HIVEP3: variants seen among roughly 807,000 people sequenced by gnomAD.
HIVEP3 encodes the protein HIVEP zinc finger 3.
In HIVEP3, 49 loss-of-function variants were observed where a neutral mutation model predicts 152.8. That is an observed-to-expected ratio of 0.32 (90% CI 0.26 to 0.41). HIVEP3 has a LOEUF of 0.41. HIVEP3 is among the 10% of genes least tolerant of loss of function. The pLI is 1.00. For missense variants in HIVEP3, 2,790 were observed against 3,103.3 expected (o/e 0.90, Z 2.40); for synonymous variants, 1,269 against 1,289.0 (o/e 0.98, Z 0.33).
chr1:41,851,387 C>G (rs997926785), intron 1 of HIVEP3, among the ~76,000 whole-genome samples: 1 of 139,924 alleles, frequency 7.1e-6, no homozygotes, highest in Non-Finnish European at 1.5e-5. Context: ...ACTGCAACAT[C>G]TGCCTCCTGG....
chr1:41,807,106 G>A (rs1040174547), intron 1 of HIVEP3, among the ~76,000 whole-genome samples: 9 of 152,144 alleles, frequency 5.9e-5, no homozygotes, highest in Non-Finnish European at 1.2e-4. Context: ...ATCGCTCATT[G>A]ACAGGTTTCA....
At chr1:41,727,088 G>A (rs978012761) in intron 1 of HIVEP3, among the ~76,000 whole-genome samples, 1 of 152,244 alleles carries the variant, frequency 6.6e-6, no homozygotes, top group Non-Finnish European at 1.5e-5. Context: ...GAAGACTGCA[G>A]GCACAGAAGA....
At chr1:41,702,415 T>C (rs1288846411) in intron 1 of HIVEP3, among the ~76,000 whole-genome samples, 1 of 152,240 alleles carries the variant, frequency 6.6e-6, no homozygotes, top group East Asian at 1.9e-4. Context: ...CTTTGGTTCA[T>C]GCCCAGCTCT....
intron 2 of HIVEP3, among the ~76,000 whole-genome samples, chr1:41,683,917 T>A (rs928971403): frequency 6.6e-6 from 1 of 152,180 alleles, no homozygotes; most frequent in Admixed American, 6.5e-5. Context: ...TCATAACCCA[T>A]GGAGGAACTC....
At chr1:41,674,611 T>C (rs1645926358) in intron 2 of HIVEP3, among the ~76,000 whole-genome samples, 1 of 152,194 alleles carries the variant, frequency 6.6e-6, no homozygotes, top group African/African-American at 2.4e-5. Flanking sequence ...TGCCCGTCGA[T>C]GGGTTTCCTA....
chr1:41,998,185 G>A (rs1014921791), intron 1 of HIVEP3, among the ~76,000 whole-genome samples: 1 of 151,946 alleles, frequency 6.6e-6, no homozygotes, highest in African/African-American at 2.4e-5. Context: ...ATTTTTAAAA[G>A]GAAAGCCAAT....
At chr1:41,872,148 G>T (rs1440363548) in intron 1 of HIVEP3, among the ~76,000 whole-genome samples, 1 of 152,182 alleles carries the variant, frequency 6.6e-6, no homozygotes, top group Non-Finnish European at 1.5e-5. Context: ...GAGTTTAATT[G>T]AGAAATGAAT....
chr1:41,877,577 C>T (rs569938388), intron 1 of HIVEP3, among the ~76,000 whole-genome samples: 1 of 152,300 alleles, frequency 6.6e-6, no homozygotes, highest in African/African-American at 2.4e-5. Flanking sequence ...GGCCTCAGAA[C>T]CATTTCTCAC....
chr1:41,792,273 G>A (rs1570549712), intron 1 of HIVEP3, among the ~76,000 whole-genome samples: 1 of 152,230 alleles, frequency 6.6e-6, no homozygotes, highest in African/African-American at 2.4e-5. Context: ...GGCCCAAGGG[G>A]CAGGGCTATG....
chr1:41,629,482 T>C (rs770830325), intron 2 of HIVEP3, among the ~76,000 whole-genome samples: 14 of 152,210 alleles, frequency 9.2e-5, no homozygotes, highest in East Asian at 5.8e-4. Context: ...ATAGAGTAAA[T>C]AGACAACCTA....
intron 1 of HIVEP3, among the ~76,000 whole-genome samples, chr1:41,884,380 G>A (rs1029909592): frequency 2.6e-5 from 4 of 152,192 alleles, no homozygotes; most frequent in African/African-American, 9.7e-5. Context: ...GCTGAGCACT[G>A]ACACATGCAA....
chr1:41,791,849 A>C, intron 1 of HIVEP3, among the ~76,000 whole-genome samples: 1 of 148,186 alleles, frequency 6.7e-6, no homozygotes, highest in African/African-American at 2.5e-5. Flanking sequence ...CATACTCCAC[A>C]CCTACTAATC....
intron 1 of HIVEP3, among the ~76,000 whole-genome samples, chr1:41,991,528 T>C (rs1317921858): frequency 4.8e-5 from 7 of 145,042 alleles, no homozygotes; most frequent in Middle Eastern, 3.7e-3. Context: ...CCAAAAAGAG[T>C]CCAGGACCAG....
intron 5 of HIVEP3, among the ~76,000 whole-genome samples, chr1:41,570,510 C>T (rs1644237163): frequency 1.3e-5 from 2 of 152,152 alleles, no homozygotes; most frequent in African/African-American, 4.8e-5. Context: ...GCTTCCCCTT[C>T]ACCTTCCACC....
At chr1:41,606,112 T>C (rs1335568323) in intron 3 of HIVEP3, among the ~76,000 whole-genome samples, 1 of 152,074 alleles carries the variant, frequency 6.6e-6, no homozygotes, top group Non-Finnish European at 1.5e-5. Flanking sequence ...TGGTACTGAC[T>C]CTCTGCTGTG....
intron 7 of HIVEP3, among the ~76,000 whole-genome samples, chr1:41,516,531 C>T (rs1558019445): frequency 6.6e-6 from 1 of 152,208 alleles, no homozygotes; most frequent in South Asian, 2.1e-4. Flanking sequence ...GTGGGCTCTC[C>T]CTCCGGAACC....
chr1:41,670,461 C>A (rs1382737729), intron 2 of HIVEP3, among the ~76,000 whole-genome samples: 1 of 152,216 alleles, frequency 6.6e-6, no homozygotes, highest in Non-Finnish European at 1.5e-5. Flanking sequence ...TGTTCAGCCA[C>A]TATTGGCTGG....
rs755535468 is a variant in HIVEP3 at position 41,588,216 on chromosome 1, C to T, written c.-521-2898G>A. 4.8e-4 allele frequency among the ~76,000 whole-genome samples: 73 copies of T among 152,298 alleles called. No homozygotes were observed. The Middle Eastern group carries it at 0.01, about 21-fold the overall frequency. On this transcript the variant is annotated intron_variant, in intron 3 of 8. Coordinates refer to ENST00000372583, the MANE Select transcript of HIVEP3 (RefSeq NM_024503.5). The stretch of plus-strand genomic sequence containing the variant: ...CCTGGCTGCACTGTGATGGAGAGGC[C>T]TTTGGGTGCTATGTGTGGATAATCA...
intron 5 of HIVEP3, among the ~76,000 whole-genome samples, chr1:41,545,491 TCACC>T (rs1643751106): frequency 1.1e-5 from 1 of 88,538 alleles, no homozygotes; most frequent in African/African-American, 4.6e-5. Context: ...ACCACCAGCA[TCACC>T]ACCACTACCA....
Sources: gnomAD v4.1 joint callset for allele counts (sites outside exome capture counted in the v4.1 genomes callset) on GRCh38, gnomAD v4.1.1 for gene constraint, MANE v1.5 for transcripts, NCBI Gene and HGNC (gene_info 2026-07-23, HGNC 2026-07-21) for gene names.